The following KCNH1 variants were observed in gnomAD, a reference collection of about 807,000 sequenced individuals.
KCNH1 encodes potassium voltage-gated channel subfamily H member 1.
In KCNH1, 27 loss-of-function variants were observed where a neutral mutation model predicts 69.2. That is an observed-to-expected ratio of 0.39 (90% CI 0.29 to 0.54). The LOEUF (loss-of-function observed/expected upper bound fraction) is 0.54. Among genes scored for constraint, KCNH1 ranks in the 20% least tolerant of loss-of-function variants. The pLI is 0.68. For missense variants in KCNH1, 798 were observed against 1,261.6 expected (o/e 0.63, Z 5.57); for synonymous variants, 456 against 487.7 (o/e 0.93, Z 0.86).
chr1:211,016,890 C>T (rs985016455), intron 6 of KCNH1, among the ~76,000 whole-genome samples: 9 of 107,652 alleles, frequency 8.4e-5, no homozygotes, highest in Non-Finnish European at 1.7e-5. Context: ...GCCTGGGTGA[C>T]AGAGCAAGAC....
Position 211,113,362 on chromosome 1 carries a change from C to T in KCNH1, c.80-5985G>A, listed in dbSNP as rs148455783. Among the ~76,000 whole-genome samples the T allele has an allele frequency of 1.7e-4, 26 of 152,294 alleles. 1 individual carries two copies. In the East Asian group the frequency reaches 5.0e-3, roughly 29 times the overall value. On this transcript the variant is annotated intron_variant, in intron 1 of 10. Transcript: ENST00000271751. ...GTTATTGTAGTCATACATTGTTATT[C>T]TGCCTTCTGATATACAATGATGCCC...
chr1:210,869,084 A>G (rs1686179361), intron 7 of KCNH1, among the ~76,000 whole-genome samples: 1 of 152,108 alleles, frequency 6.6e-6, no homozygotes, highest in Non-Finnish European at 1.5e-5. Context: ...CTCTTTAAAG[A>G]CGTCATGTCA....
At chr1:210,915,353 A>T (rs1405812270) in intron 7 of KCNH1, among the ~76,000 whole-genome samples, 2 of 152,166 alleles carry the variant, frequency 1.3e-5, no homozygotes, top group Non-Finnish European at 2.9e-5. Flanking sequence ...TTGGGGCATG[A>T]GGGGACACTC....
At chr1:210,831,426 T>C (rs1244394208) in intron 7 of KCNH1, among the ~76,000 whole-genome samples, 1 of 151,952 alleles carries the variant, frequency 6.6e-6, no homozygotes, top group East Asian at 1.9e-4. Context: ...CCAAGGAGGG[T>C]TCAAATCAGA....
intron 7 of KCNH1, among the ~76,000 whole-genome samples, chr1:210,827,595 C>A (rs567119254): frequency 6.6e-6 from 1 of 152,298 alleles, no homozygotes; most frequent in African/African-American, 2.4e-5. Flanking sequence ...CAACTGCCTT[C>A]ATGCCACTGA....
At position 211,107,277 on chromosome 1, in the gene KCNH1, C is replaced by T. The variant is rs374405441; in HGVS notation, c.180G>A (p.Val60=). The T allele has an allele frequency of 2.5e-6, 4 of 1,613,294 alleles. No homozygotes were observed. The African/African-American group carries it at 4.0e-5, about 16-fold the overall frequency. ...CKLSGYHRAE[V]MQKSSTCSFM... ...ACCTGCAGGTGCTGCTTTTTTGCATCACTTCTGCCCTGTGATAGCCAGACA... is the reference window on the plus strand; with the variant it reads ...ACCTGCAGGTGCTGCTTTTTTGCATTACTTCTGCCCTGTGATAGCCAGACA... The change falls in exon 2 of 11, where the codon GTG becomes GTA. Residue 60 remains valine (V), a synonymous_variant. Transcript: ENST00000271751.
intron 9 of KCNH1, among the ~76,000 whole-genome samples, chr1:210,783,191 G>A (rs1684025085): frequency 6.6e-6 from 1 of 152,216 alleles, no homozygotes; most frequent in African/African-American, 2.4e-5. Flanking sequence ...GATTGCCTGT[G>A]ACTGCCTCGT....
intron 10 of KCNH1, among the ~76,000 whole-genome samples, chr1:210,767,748 A>G (rs966200586): frequency 2.0e-5 from 3 of 152,144 alleles, no homozygotes; most frequent in African/African-American, 7.2e-5. Context: ...ACCTAAGAAA[A>G]TATTATTAAG....
chr1:210,851,337 C>A (rs1266159454), intron 7 of KCNH1, among the ~76,000 whole-genome samples: 8 of 152,190 alleles, frequency 5.3e-5, no homozygotes, highest in African/African-American at 1.2e-4. Flanking sequence ...CCAAAATAAC[C>A]TACTTCTATC....
chr1:211,042,589 G>A (rs1369637332), intron 5 of KCNH1, among the ~76,000 whole-genome samples: 2 of 152,154 alleles, frequency 1.3e-5, no homozygotes, highest in Admixed American at 6.5e-5. Flanking sequence ...AAGAAACAAT[G>A]TATTTAAACT....
rs755319456 is a variant in KCNH1 at position 211,018,793 on chromosome 1, C to T, written c.1022G>A (p.Arg341Lys). 4.4e-6 allele frequency: 7 copies of T among 1,604,660 alleles called. No individual in the cohort carries two copies. Among genetic ancestry groups the T allele is most frequent in the Non-Finnish European group, 6.0e-6 (7 of 1,174,984 alleles). The change falls in exon 6 of 11, where the codon AGA becomes AAA. Residue 341 changes from arginine (R) to lysine (K), a missense_variant. Arg to Lys is a conservative substitution (Grantham distance 26). Transcript: ENST00000271751. The part of the protein sequence containing the change: ...ADQIPPPLEG[R>K]ESQGISSLFS... Reference sequence around the variant, plus strand: ...ATTTGAGGGATGTACCTGACTCTCTCTCCCCTCCAGTGGTGGTGGAATCTG... The same window carrying T: ...ATTTGAGGGATGTACCTGACTCTCTTTCCCCTCCAGTGGTGGTGGAATCTG...
chr1:210,996,597 A>G (rs1689045715), intron 6 of KCNH1, among the ~76,000 whole-genome samples: 1 of 152,262 alleles, frequency 6.6e-6, no homozygotes, highest in African/African-American at 2.4e-5. Context: ...TAACCTCTGC[A>G]GACTTAAATA....
chr1:210,984,636 G>T (rs1267704774), intron 6 of KCNH1, among the ~76,000 whole-genome samples: 1 of 151,516 alleles, frequency 6.6e-6, no homozygotes, highest in East Asian at 1.9e-4. Context: ...ACTTGATCAT[G>T]GTGGCTAAGC....
chr1:211,085,154 A>G (rs1329739244), intron 4 of KCNH1, among the ~76,000 whole-genome samples: 1 of 152,206 alleles, frequency 6.6e-6, no homozygotes, highest in African/African-American at 2.4e-5. Flanking sequence ...TCCCACACAG[A>G]AGGAACAGCA....
chr1:210,998,199 TA>T (rs1689091698), intron 6 of KCNH1, among the ~76,000 whole-genome samples: 1 of 152,206 alleles, frequency 6.6e-6, no homozygotes, highest in Non-Finnish European at 1.5e-5. Flanking sequence ...ATGCTCCAAT[TA>T]AAAGACACAG....
chr1:210,949,654 C>T (rs1033254159), intron 6 of KCNH1, among the ~76,000 whole-genome samples: 1 of 152,204 alleles, frequency 6.6e-6, no homozygotes, highest in Non-Finnish European at 1.5e-5. Context: ...TGCAATGAAT[C>T]GGTTGCACCA....
chr1:210,996,330 G>C (rs1689036422), intron 6 of KCNH1, among the ~76,000 whole-genome samples: 1 of 152,220 alleles, frequency 6.6e-6, no homozygotes, highest in South Asian at 2.1e-4. Context: ...CACACCAGGA[G>C]ATTATATCCG....
intron 9 of KCNH1, among the ~76,000 whole-genome samples, chr1:210,789,419 TGCTTAGAGG>T (rs1372268465): frequency 1.3e-5 from 2 of 152,234 alleles, no homozygotes; most frequent in African/African-American, 4.8e-5. Context: ...TTTCCAAGAA[TGCTTAGAGG>T]GAGGGGTTGG....
At chr1:211,044,352 C>A (rs1296586574) in intron 5 of KCNH1, among the ~76,000 whole-genome samples, 1 of 152,070 alleles carries the variant, frequency 6.6e-6, no homozygotes, top group Non-Finnish European at 1.5e-5. Flanking sequence ...CTGGCTTAGG[C>A]AAGGATTTCA....
Sources: gnomAD v4.1 joint callset for allele counts (sites outside exome capture counted in the v4.1 genomes callset) on GRCh38, gnomAD v4.1.1 for gene constraint, MANE v1.5 for transcripts, NCBI Gene and HGNC (gene_info 2026-07-23, HGNC 2026-07-21) for gene names.